SLC26A9: variants seen among roughly 807,000 people sequenced by gnomAD.
SLC26A9 encodes anion transporter/exchanger protein 9.
SLC26A9 carries 46 observed loss-of-function variants against 87.1 expected under a neutral mutation model. The observed-to-expected ratio is 0.53, with a 90% CI of 0.42 to 0.67. The LOEUF (loss-of-function observed/expected upper bound fraction) is 0.67, where lower values mean the gene tolerates loss of function less well. Among genes scored for constraint, SLC26A9 ranks in the 30% least tolerant of loss-of-function variants. The pLI is 0.00. For synonymous variants in SLC26A9, 437 were observed against 409.1 expected, an observed-to-expected ratio of 1.07 and a Z score of -0.82; for missense variants, 927 against 1,018.3, an observed-to-expected ratio of 0.91 and a Z score of 1.22.
At position 205,931,893 on chromosome 1, in the gene SLC26A9, T is replaced by C; in HGVS notation, c.519A>G (p.Ser173=). ...TGGCGGTGAGGCAGGCTAGCGTAGC[T>C]GACACGTGCAGCCTCTCAGCCTCCA... ...AAMEAERLHV[S]ATLACLTAII... The change falls in exon 5 of 21, where the codon TCA becomes TCG. Residue 173 remains serine, a synonymous_variant. Transcript: ENST00000367135. 1 of 1,614,080 alleles carries C rather than the reference T, an allele frequency of 6.2e-7. No homozygotes were observed. Among genetic ancestry groups the C allele is most frequent in the Non-Finnish European group, 8.5e-7 (1 of 1,180,004 alleles).
At chr1:205,938,807 C>G (rs12060940) in intron 1 of SLC26A9, among the ~76,000 whole-genome samples, 1,823 of 152,336 alleles carry the variant, frequency 0.012, 41 homozygotes, top group African/African-American at 0.042. Flanking sequence ...CTCCCAGGAT[C>G]TCCATGTGCA....
At chr1:205,927,131 C>G (rs1326921672) in intron 11 of SLC26A9, 80 bp downstream of exon 11, 1 of 1,462,346 alleles carries the variant, frequency 6.8e-7, no homozygotes, top group African/African-American at 1.4e-5. Context: ...ACTTTGTGGT[C>G]CGTAAAGTGC....
At chr1:205,920,138 G>T in intron 18 of SLC26A9, 38 bp downstream of exon 18, 1 of 1,611,980 alleles carries the variant, frequency 6.2e-7, no homozygotes, top group Admixed American at 1.7e-5. Context: ...CACACTCCTT[G>T]CCAGTCTTTC....
intron 5 of SLC26A9, among the ~76,000 whole-genome samples, chr1:205,931,086 C>T (rs12760651): frequency 0.13 from 19,902 of 152,222 alleles, 2,136 homozygotes; most frequent in East Asian, 0.64. Flanking sequence ...TCTGGGACTG[C>T]GTTTTGCTCT....
chr1:205,918,252 G>A (rs1658676849), intron 19 of SLC26A9, among the ~76,000 whole-genome samples: 1 of 152,160 alleles, frequency 6.6e-6, no homozygotes, highest in Admixed American at 6.5e-5. Flanking sequence ...GGGACCCCAA[G>A]GAGGTAGGCT....
intron 1 of SLC26A9, among the ~76,000 whole-genome samples, chr1:205,938,310 C>T (rs1659602520): frequency 6.6e-6 from 1 of 151,902 alleles, no homozygotes; most frequent in Admixed American, 6.6e-5. Flanking sequence ...CTGTCCATTG[C>T]CTCCATACCT....
In SLC26A9 at chr1:205,922,993, C is replaced by T. The variant is rs150343360; in HGVS notation, c.1773+89G>A. 10,434 of 1,220,082 alleles carry T rather than the reference C, an allele frequency of 8.6e-3. 86 individuals are homozygous for T. Among genetic ancestry groups the T allele is most frequent in the Non-Finnish European group, 0.01 (8,303 of 829,382 alleles). 75.6% of individuals were successfully genotyped at this position (1,220,082 alleles called of 1,614,324 possible). A position where few individuals can be genotyped will look rare whatever the true frequency, so the allele number is the denominator to read the frequency against. ...TGTCTTTGCCTGTCAGGGTGGGAAG[C>T]GGGGCCCCCAGGGTACCATGAGTAA... is the stretch of plus-strand genomic sequence containing the variant. On this transcript the variant is annotated intron_variant, in intron 16 of 20. Coordinates refer to ENST00000367135, the MANE Select transcript of SLC26A9 (RefSeq NM_052934.4).
intron 6 of SLC26A9, 46 bp from the exon 7 acceptor site, chr1:205,929,402 C>A: frequency 6.3e-7 from 1 of 1,598,094 alleles, no homozygotes; most frequent in South Asian, 1.1e-5. Flanking sequence ...CCCTTCTTCC[C>A]ATAATACCCC....
At chr1:205,931,217 A>T (rs12039205) in intron 5 of SLC26A9, among the ~76,000 whole-genome samples, 3,610 of 152,186 alleles carry the variant, frequency 0.024, 152 homozygotes, top group African/African-American at 0.083. Context: ...GAGGCTGGAG[A>T]GGAGTGAGGG....
chr1:205,918,688 A>G, intron 19 of SLC26A9, 152 bp downstream of exon 19: 2 of 975,118 alleles, frequency 2.1e-6, no homozygotes, highest in Non-Finnish European at 3.0e-6. Context: ...GATGGTGCTC[A>G]TTCTATAGAT....
At position 205,922,251 on chromosome 1, in the gene SLC26A9, C is replaced by T. The variant is rs181701586; in HGVS notation, c.1774-404G>A. On this transcript the variant is annotated intron_variant, in intron 16 of 20. Transcript: ENST00000367135. ...TCCCGGGTTCAAGTGATTCTCGTGC[C>T]TCAGCCTCCTGAGTAGCTGGGATTA... 1.2e-4 allele frequency among the ~76,000 whole-genome samples: 18 copies of T among 152,352 alleles called. 1 individual carries two copies. In the East Asian group the frequency reaches 3.5e-3, roughly 29 times the overall value.
At position 205,928,899 on chromosome 1, in the gene SLC26A9, G is replaced by C; in HGVS notation, c.881C>G (p.Ala294Gly). Reference protein sequence around the residue: ...IPTEMIVVVVATAISGGCKMP... With the variant: ...IPTEMIVVVVGTAISGGCKMP... The stretch of plus-strand genomic sequence containing the variant: ...CTTACAGCCCCCGGAGATAGCTGTT[G>C]CCACCACCACCTGCAAACCCCAGAG... Residue 294 changes from alanine to glycine, a missense_variant, in exon 8 of 21, where the codon GCA (alanine) becomes GGA (glycine). Transcript: ENST00000367135. 6.2e-7 allele frequency: 1 copy of C among 1,614,146 alleles called. No homozygotes were observed. Among genetic ancestry groups the C allele is most frequent in the Non-Finnish European group, 8.5e-7 (1 of 1,180,022 alleles).
intron 2 of SLC26A9, 53 bp from the exon 3 acceptor site, chr1:205,933,137 C>T (rs139957433): frequency 2.0e-5 from 32 of 1,609,340 alleles, no homozygotes; most frequent in African/African-American, 9.3e-5. Context: ...TTGGACATTC[C>T]GTGTTGGAGA....
chr1:205,937,504 T>A (rs1451704415), intron 1 of SLC26A9, among the ~76,000 whole-genome samples: 1 of 152,106 alleles, frequency 6.6e-6, no homozygotes, highest in Non-Finnish European at 1.5e-5. Context: ...TCTTCATCTG[T>A]AAATGGGGAT....
chr1:205,940,351 C>T (rs1659686836), intron 1 of SLC26A9, among the ~76,000 whole-genome samples: 2 of 152,170 alleles, frequency 1.3e-5, no homozygotes, highest in African/African-American at 2.4e-5. Context: ...GGTACCTTCT[C>T]CCAGTCACAT....
chr1:205,938,246 C>CCTTCCTTCCTTCCTCCCTCG (rs1659599815), intron 1 of SLC26A9, among the ~76,000 whole-genome samples: 3 of 150,768 alleles, frequency 2.0e-5, no homozygotes, highest in Admixed American at 6.7e-5. Flanking sequence ...ATTGCTATTT[C>CCTTCCTTCCTTCCTCCCTCG]CTTCCTTCCT....
At chr1:205,930,880 C>T (rs1054088647) in intron 5 of SLC26A9, among the ~76,000 whole-genome samples, 2 of 152,174 alleles carry the variant, frequency 1.3e-5, no homozygotes, top group African/African-American at 2.4e-5. Context: ...TGCTCTGTGT[C>T]CCTACAGTCT....
intron 5 of SLC26A9, among the ~76,000 whole-genome samples, chr1:205,931,033 T>C (rs574372348): frequency 6.6e-6 from 1 of 152,338 alleles, no homozygotes; most frequent in South Asian, 2.1e-4. Context: ...TTAGCCTAGT[T>C]CTTGGCACAA....
intron 2 of SLC26A9, among the ~76,000 whole-genome samples, chr1:205,933,933 A>T (rs577353334): frequency 1.4e-4 from 21 of 152,296 alleles, no homozygotes; most frequent in African/African-American, 5.1e-4. Context: ...CTCAAGGGTG[A>T]CAGCCGGTGG....
Sources: allele counts gnomAD v4.1 joint callset (sites outside exome capture counted in the v4.1 genomes callset), GRCh38; gene constraint gnomAD v4.1.1; transcripts MANE v1.5; gene names NCBI Gene and HGNC (gene_info 2026-07-23, HGNC 2026-07-21).